GALNT18: variants seen among roughly 807,000 people sequenced by gnomAD.
The protein encoded by GALNT18 is GalNAc-transferase 18.
GALNT18 carries 44 observed loss-of-function variants against 69.5 expected under a neutral mutation model. The ratio of observed to expected loss-of-function variants is 0.63; its 90% CI spans 0.50 to 0.81. The LOEUF is 0.81. Among genes scored for constraint, GALNT18 ranks in the 40% least tolerant of loss-of-function variants. The probability of loss-of-function intolerance (pLI) is 0.00; values close to 1 mark genes in which losing one functional copy is unlikely to be tolerated. For synonymous variants in GALNT18, 364 were observed against 318.2 expected, an observed-to-expected ratio of 1.14 and a Z score of -1.53; for missense variants, 715 against 810.0, an observed-to-expected ratio of 0.88 and a Z score of 1.42.
At chr11:11,281,170 A>C (rs11021750) in intron 10 of GALNT18, among the ~76,000 whole-genome samples, 18,803 of 152,130 alleles carry the variant, frequency 0.12, 1,755 homozygotes, top group Admixed American at 0.28. Context: ...AATTTGCAAG[A>C]TCTGTTGGCG....
intron 1 of GALNT18, among the ~76,000 whole-genome samples, chr11:11,456,381 G>T (rs1443996240): frequency 2.0e-5 from 3 of 152,220 alleles, no homozygotes; most frequent in Non-Finnish European, 4.4e-5. Flanking sequence ...AGATACTTCA[G>T]TCCCCAGGAG....
Position 11,432,465 on chromosome 11 carries a change from C to T in GALNT18, c.595+156G>A, listed in dbSNP as rs1361468958. Among the ~76,000 whole-genome samples, 3 of 152,204 alleles carry T rather than the reference C, an allele frequency of 2.0e-5. No individual in the cohort carries two copies. The highest frequency in any genetic ancestry group is 4.4e-5 in the Non-Finnish European group (3 of 68,032). ...GAGGCCATGCTCAGACGGAGTGAAC[C>T]TTCTGAAGCAGTGGCCACCATGAAT... On this transcript the variant is annotated intron_variant, in intron 3 of 10. Transcript: ENST00000227756. This position sits in a 1 kb window ranked among gnomAD's most constrained non-coding sequence, Gnocchi z 5.8.
intron 1 of GALNT18, among the ~76,000 whole-genome samples, chr11:11,458,012 G>A (rs368620120): frequency 9.2e-5 from 14 of 152,308 alleles, no homozygotes; most frequent in Middle Eastern, 3.4e-3. Context: ...CATGGGCCCC[G>A]AGACCCTGAG....
chr11:11,283,448 A>C (rs568438903), intron 10 of GALNT18, among the ~76,000 whole-genome samples: 1 of 152,240 alleles, frequency 6.6e-6, no homozygotes, highest in East Asian at 1.9e-4. Flanking sequence ...TTTTAATCTG[A>C]ATGACAGGGC....
At chr11:11,528,301 A>T (rs1219191421) in intron 1 of GALNT18, among the ~76,000 whole-genome samples, 1 of 152,234 alleles carries the variant, frequency 6.6e-6, no homozygotes. Context: ...AATTCCAACT[A>T]GGAAGGTCAA....
chr11:11,511,501 T>C lies in GALNT18; in HGVS notation c.236-62565A>G, dbSNP rs1304328620. On this transcript the variant is annotated intron_variant, in intron 1 of 10. Transcript: ENST00000227756. This position sits in a 1 kb window ranked among gnomAD's most constrained non-coding sequence, Gnocchi z 4.9. ...TGAGGAGACCTGGCTAATGCAGTGGTTCTTTACTTCTGAGCCACTCACCCC... is the reference window on the plus strand; with the variant it reads ...TGAGGAGACCTGGCTAATGCAGTGGCTCTTTACTTCTGAGCCACTCACCCC... Among the ~76,000 whole-genome samples the C allele has an allele frequency of 6.6e-6, 1 of 152,200 alleles. No individual in the cohort carries two copies. Among genetic ancestry groups the C allele is most frequent in the Non-Finnish European group, 1.5e-5 (1 of 68,034 alleles).
rs1180013840 is a variant in GALNT18, at chr11:11,603,796, A to G, written c.235+17563T>C. Among the ~76,000 whole-genome samples, 1 of 152,256 alleles carries G rather than the reference A, an allele frequency of 6.6e-6. No individual in the cohort carries two copies. The highest frequency in any genetic ancestry group is 1.5e-5 in the Non-Finnish European group (1 of 68,054). On this transcript the variant is annotated intron_variant, in intron 1 of 10. Coordinates refer to ENST00000227756, the MANE Select transcript of GALNT18 (RefSeq NM_198516.3). The surrounding 1 kb of genome is among the most constrained non-coding windows in gnomAD (Gnocchi z 4.5). ...AGAAATTACTGAAATCAGAGTTATT[A>G]CAAAGCATAACATTTGCTATCATAA...
intron 6 of GALNT18, among the ~76,000 whole-genome samples, chr11:11,342,220 T>C (rs1564901965): frequency 6.6e-6 from 1 of 152,138 alleles, no homozygotes; most frequent in South Asian, 2.1e-4. Flanking sequence ...AATAAATAAA[T>C]GATAGATGCT....
chr11:11,308,401 CT>C (rs1370736918), intron 9 of GALNT18, among the ~76,000 whole-genome samples: 1 of 152,180 alleles, frequency 6.6e-6, no homozygotes, highest in Admixed American at 6.5e-5. Flanking sequence ...CACTCCACCC[CT>C]GATATGCTCT....
intron 6 of GALNT18, among the ~76,000 whole-genome samples, chr11:11,355,599 A>G (rs1359951546): frequency 1.3e-5 from 2 of 152,198 alleles, no homozygotes; most frequent in African/African-American, 2.4e-5. Context: ...CCAAATGTAT[A>G]AGGTCCAACC....
chr11:11,579,755 C>T (rs1305612360), intron 1 of GALNT18, among the ~76,000 whole-genome samples: 1 of 152,202 alleles, frequency 6.6e-6, no homozygotes, highest in Non-Finnish European at 1.5e-5. Context: ...TGCCAACAGA[C>T]AATTGTATAA....
chr11:11,475,036 G>A (rs1487304193), intron 1 of GALNT18: 1 of 152,142 alleles, frequency 6.6e-6, no homozygotes, highest in Non-Finnish European at 1.5e-5. Flanking sequence ...GCACAGGGTA[G>A]GCATCTTTTA....
rs1378334594 is a variant in GALNT18, at chr11:11,555,929, T to C, written c.235+65430A>G. Among the ~76,000 whole-genome samples, 2 of 152,198 alleles carry C rather than the reference T, an allele frequency of 1.3e-5. No individual in the cohort carries two copies. The highest frequency in any genetic ancestry group is 6.5e-5 in the Admixed American group (1 of 15,284). ...AATGCAGAGCAGGATCATCTGAACG[T>C]TGATCTGGTTTGCTTTCCCTTATTT... is the stretch of plus-strand genomic sequence containing the variant. On this transcript the variant is annotated intron_variant, in intron 1 of 10. Transcript: ENST00000227756. The surrounding 1 kb of genome is among the most constrained non-coding windows in gnomAD (Gnocchi z 4.7).
intron 9 of GALNT18, among the ~76,000 whole-genome samples, chr11:11,302,944 G>A (rs573890423): frequency 1.3e-5 from 2 of 152,290 alleles, no homozygotes; most frequent in African/African-American, 2.4e-5. Context: ...AATCCCCCTC[G>A]GGGCTCAGCC....
rs988876090 is a variant in GALNT18, at chr11:11,582,428, A to T, written c.235+38931T>A. On this transcript the variant is annotated intron_variant, in intron 1 of 10. Transcript: ENST00000227756. The surrounding 1 kb of genome is among the most constrained non-coding windows in gnomAD (Gnocchi z 5.0). The stretch of plus-strand genomic sequence containing the variant: ...TATCCAGTGGGGGATTCTGTGTCCC[A>T]TCCCACAGTGACAATGAGTGACTGT... 6.6e-6 allele frequency among the ~76,000 whole-genome samples: 1 copy of T among 152,224 alleles called. No homozygotes were observed. Among genetic ancestry groups the T allele is most frequent in the Non-Finnish European group, 1.5e-5 (1 of 68,036 alleles).
chr11:11,566,206 T>C (rs554165732), intron 1 of GALNT18, among the ~76,000 whole-genome samples: 1 of 152,372 alleles, frequency 6.6e-6, no homozygotes, highest in African/African-American at 2.4e-5. Flanking sequence ...AGTCAAATAG[T>C]AAAATATTTT....
At chr11:11,457,705 C>T (rs531109908) in intron 1 of GALNT18, among the ~76,000 whole-genome samples, 1 of 152,290 alleles carries the variant, frequency 6.6e-6, no homozygotes, top group Admixed American at 6.5e-5. Context: ...TCGGTTTGTG[C>T]ACCTAGGGAT....
In GALNT18 at chr11:11,389,336, C is replaced by T. The variant is rs1025122253; in HGVS notation, c.596-10072G>A. On this transcript the variant is annotated intron_variant, in intron 3 of 10. Coordinates refer to ENST00000227756, the MANE Select transcript of GALNT18 (RefSeq NM_198516.3). The surrounding 1 kb of genome is among the most constrained non-coding windows in gnomAD (Gnocchi z 4.3). Reference sequence around the variant, plus strand: ...TAACTCCGTGTCCTCTATTTGTCCACCTTGAGTAATTTAGCAAATGGGAAT... The same window carrying T: ...TAACTCCGTGTCCTCTATTTGTCCATCTTGAGTAATTTAGCAAATGGGAAT... 4.6e-5 allele frequency among the ~76,000 whole-genome samples: 7 copies of T among 152,174 alleles called. No individual in the cohort carries two copies. Among genetic ancestry groups the T allele is most frequent in the African/African-American group, 1.4e-4 (6 of 41,440 alleles).
chr11:11,608,612 C>T (rs1859811770), intron 1 of GALNT18, among the ~76,000 whole-genome samples: 1 of 152,132 alleles, frequency 6.6e-6, no homozygotes, highest in East Asian at 1.9e-4. Context: ...CCACCCGTCT[C>T]GGCCTCCCAA....
Sources: gnomAD v4.1 joint callset for allele counts (sites outside exome capture counted in the v4.1 genomes callset) on GRCh38, gnomAD v4.1.1 for gene constraint, Gnocchi (gnomAD v3.1) non-coding constraint, MANE v1.5 for transcripts, NCBI Gene and HGNC (gene_info 2026-07-23, HGNC 2026-07-21) for gene names.